CBFA2T3: variants seen among roughly 807,000 people sequenced by gnomAD.
CBFA2T3 encodes transcriptional corepressor CBFA2T3.
A neutral mutation model predicts 58.6 loss-of-function variants in CBFA2T3; 31 were observed. The observed-to-expected ratio is 0.53, with a 90% CI of 0.40 to 0.71. The LOEUF is 0.71. CBFA2T3 is among the 30% of genes least tolerant of loss of function. The pLI, the probability that CBFA2T3 is intolerant of heterozygous loss-of-function variation, is 0.00. For synonymous variants in CBFA2T3, 531 were observed against 421.9 expected, an observed-to-expected ratio of 1.26 and a Z score of -3.17; for missense variants, 1,076 against 963.1, an observed-to-expected ratio of 1.12 and a Z score of -1.55.
intron 3 of CBFA2T3, 129 bp downstream of exon 3, chr16:88,897,949 G>A (rs1969950136): frequency 1.4e-6 from 1 of 723,522 alleles, no homozygotes; most frequent in Non-Finnish European, 2.5e-6. Context: ...CAACACAACA[G>A]AGGCAATGCT....
intron 1 of CBFA2T3, among the ~76,000 whole-genome samples, chr16:88,954,256 A>G (rs1340786144): frequency 6.6e-6 from 1 of 151,646 alleles, no homozygotes; most frequent in Admixed American, 6.6e-5. Context: ...CCACCCATCT[A>G]CTCTGACAGC....
chr16:88,905,988 T>C (rs1326259788), intron 1 of CBFA2T3, among the ~76,000 whole-genome samples: 1 of 151,092 alleles, frequency 6.6e-6, no homozygotes, highest in Admixed American at 6.6e-5. Flanking sequence ...CCGGCCTGGC[T>C]TCCTCGGGCA....
intron 1 of CBFA2T3, among the ~76,000 whole-genome samples, chr16:88,909,016 C>T (rs551619776): frequency 2.2e-4 from 34 of 152,220 alleles, no homozygotes; most frequent in African/African-American, 5.1e-4. Context: ...TCCCGGGGAG[C>T]GGGGGGCACC....
chr16:88,966,872 G>A (rs1255582395), intron 1 of CBFA2T3, among the ~76,000 whole-genome samples: 3 of 152,148 alleles, frequency 2.0e-5, no homozygotes, highest in Admixed American at 6.5e-5. Flanking sequence ...TTTCCCCCAG[G>A]AAGCCGGGAT....
rs752068990 is a variant in CBFA2T3 at position 88,885,952 on chromosome 16, C to G, written c.893+9G>C. Reference sequence around the variant, plus strand: ...ACCCCCAGCCCAGATCCCCGGAGCCCACAGGTACCTGTCGGGCGTCCTCCT... The same window carrying G: ...ACCCCCAGCCCAGATCCCCGGAGCCGACAGGTACCTGTCGGGCGTCCTCCT... On this transcript the variant is annotated intron_variant, in intron 6 of 11. Coordinates refer to ENST00000268679, the MANE Select transcript of CBFA2T3 (RefSeq NM_005187.6). This position sits in a 1 kb window ranked among gnomAD's most constrained non-coding sequence, Gnocchi z 5.3. The G allele has an allele frequency of 6.5e-6, 10 of 1,546,956 alleles. No homozygotes were observed. The South Asian group carries it at 1.1e-4, about 17-fold the overall frequency.
chr16:88,893,496 G>A (rs184857815), intron 3 of CBFA2T3, among the ~76,000 whole-genome samples: 10 of 152,306 alleles, frequency 6.6e-5, no homozygotes, highest in Non-Finnish European at 1.0e-4. Context: ...CAGCCCCAAC[G>A]CCTGCTAATG....
At position 88,892,058 on chromosome 16, in the gene CBFA2T3, G is replaced by A. The variant is rs113286425; in HGVS notation, c.622-87C>T. ...ACCCATGCCTGAGGAGGAGGCTTCC[G>A]TGTTGGAGGCAGGCAGGCAGCCCAG... On this transcript the variant is annotated intron_variant, in intron 4 of 11. Coordinates refer to ENST00000268679, the MANE Select transcript of CBFA2T3 (RefSeq NM_005187.6). 2.2e-3 allele frequency: 3,068 copies of A among 1,385,234 alleles called. 47 individuals are homozygous for A. The African/African-American group carries it at 0.039, about 17-fold the overall frequency. The allele number at this position is 1,385,234 out of a possible 1,614,324, so 85.8% of individuals were successfully genotyped here.
At chr16:88,900,856 G>A (rs1478847574) in intron 2 of CBFA2T3, among the ~76,000 whole-genome samples, 1 of 152,248 alleles carries the variant, frequency 6.6e-6, no homozygotes, top group Non-Finnish European at 1.5e-5. Context: ...GCCCACCATC[G>A]GCGGCTCTGT....
chr16:88,881,343 G>A lies in CBFA2T3; in HGVS notation c.1350C>T (p.Pro450=), dbSNP rs752582705. Residue 450 remains proline (P), a synonymous_variant, in exon 9 of 12, where the codon CCC becomes CCT. Coordinates refer to ENST00000268679, the MANE Select transcript of CBFA2T3 (RefSeq NM_005187.6). ...DAEDTKKGPA[P]AAARPRSSSA... The stretch of plus-strand genomic sequence containing the variant: ...AGCTGCTGCGGGGCCGGGCCGCGGC[G>A]GGAGCGGGGCCCTTCTTTGTGTCCT... The A allele has an allele frequency of 1.2e-5, 19 of 1,581,932 alleles. No homozygotes were observed. The highest frequency in any genetic ancestry group is 4.0e-5 in the African/African-American group (3 of 74,232).
At chr16:88,882,959 C>T (rs755343980) in intron 7 of CBFA2T3, among the ~76,000 whole-genome samples, 198 bp from the exon 8 acceptor site, 11 of 152,230 alleles carry the variant, frequency 7.2e-5, no homozygotes, top group Non-Finnish European at 1.2e-4. Context: ...GGCTCTGGGC[C>T]GACTGCTCTT....
intron 1 of CBFA2T3, among the ~76,000 whole-genome samples, chr16:88,935,821 A>T (rs1971480237): frequency 6.6e-6 from 1 of 152,196 alleles, no homozygotes. Flanking sequence ...CCAGACACAC[A>T]CATCCCAGCT....
intron 5 of CBFA2T3, among the ~76,000 whole-genome samples, chr16:88,890,000 A>T (rs1240296327): frequency 7.5e-6 from 1 of 133,572 alleles, no homozygotes; most frequent in African/African-American, 3.0e-5. Flanking sequence ...CCTCCAGGGG[A>T]CGTTTCAAAT....
intron 1 of CBFA2T3, among the ~76,000 whole-genome samples, chr16:88,910,743 C>T (rs993821262): frequency 1.3e-5 from 2 of 152,216 alleles, no homozygotes; most frequent in African/African-American, 4.8e-5. Flanking sequence ...AGGTCTTTGA[C>T]CAGCATCAGA....
At chr16:88,954,352 C>T (rs1256442016) in intron 1 of CBFA2T3, among the ~76,000 whole-genome samples, 2 of 145,208 alleles carry the variant, frequency 1.4e-5, no homozygotes, top group Non-Finnish European at 3.0e-5. Flanking sequence ...AGCCAAGGCT[C>T]CTGACCTCAC....
At chr16:88,884,899 G>C (rs759877445) in intron 7 of CBFA2T3, 147 bp downstream of exon 7, 2 of 621,484 alleles carry the variant, frequency 3.2e-6, no homozygotes, top group South Asian at 4.0e-5. Flanking sequence ...GCTCCAGGGG[G>C]AATGCCAGGC....
At chr16:88,930,236 C>T (rs578254719) in intron 1 of CBFA2T3, among the ~76,000 whole-genome samples, 7 of 148,358 alleles carry the variant, frequency 4.7e-5, no homozygotes, top group Middle Eastern at 3.5e-3. Context: ...ACAGCTGCAT[C>T]GTCCACGCAA....
At chr16:88,925,923 AAG>A (rs1163715552) in intron 1 of CBFA2T3, among the ~76,000 whole-genome samples, 1 of 152,188 alleles carries the variant, frequency 6.6e-6, no homozygotes, top group East Asian at 1.9e-4. Context: ...TGATTTTTAA[AAG>A]AGAGGCTGAG....
At chr16:88,937,230 T>G (rs1302468135) in intron 1 of CBFA2T3, 1 of 152,088 alleles carries the variant, frequency 6.6e-6, no homozygotes, top group Non-Finnish European at 1.5e-5. Flanking sequence ...GGATCTGGGG[T>G]GTCGTTCACT....
chr16:88,908,417 C>T (rs1050988879), intron 1 of CBFA2T3, among the ~76,000 whole-genome samples: 18 of 152,096 alleles, frequency 1.2e-4, no homozygotes, highest in Admixed American at 3.3e-4. Flanking sequence ...TGGGAGAGGC[C>T]GTTTCTTTCC....
Sources: gnomAD v4.1 joint callset for allele counts (sites outside exome capture counted in the v4.1 genomes callset) on GRCh38, gnomAD v4.1.1 for gene constraint, Gnocchi (gnomAD v3.1) non-coding constraint, MANE v1.5 for transcripts, NCBI Gene and HGNC (gene_info 2026-07-23, HGNC 2026-07-21) for gene names.